The following TPX2 variants were observed in gnomAD, a reference collection of about 807,000 sequenced individuals.
The protein encoded by TPX2 is targeting protein for Xklp2.
In TPX2, 21 loss-of-function variants were observed where a neutral mutation model predicts 93.6. The ratio of observed to expected loss-of-function variants is 0.22; its 90% CI spans 0.16 to 0.32. TPX2 has a LOEUF of 0.32. Ranked by LOEUF, TPX2 falls within the 10% of genes least tolerant of loss-of-function variation. The pLI is 1.00. For missense variants in TPX2, 776 were observed against 871.1 expected, an observed-to-expected ratio of 0.89 and a Z score of 1.37; for synonymous variants, 281 against 298.3, an observed-to-expected ratio of 0.94 and a Z score of 0.60.
At position 31,778,899 on chromosome 20, in the gene TPX2, A is replaced by G. The variant is rs1464695514; in HGVS notation, c.969A>G (p.Thr323=). 2.5e-6 allele frequency: 4 copies of G among 1,612,868 alleles called. No homozygotes were observed. Among genetic ancestry groups the G allele is most frequent in the Non-Finnish European group, 3.4e-6 (4 of 1,179,762 alleles). ...GAACATTTGATGAAACAGTTTCTAC[A>G]TATGTGCCCCTTGCACAGCAAGTTG... The part of the protein sequence containing the change: ...KKRTFDETVS[T]YVPLAQQVED... Residue 323 remains threonine (T), a synonymous_variant, in exon 10 of 18, where the codon ACA becomes ACG. Coordinates refer to ENST00000300403, the MANE Select transcript of TPX2 (RefSeq NM_012112.5).
chr20:31,769,177 C>T (rs1260099709), intron 5 of TPX2, among the ~76,000 whole-genome samples: 1 of 151,084 alleles, frequency 6.6e-6, no homozygotes, highest in Admixed American at 6.6e-5. Flanking sequence ...GCCCATTGTG[C>T]ACATGTACCC....
In TPX2 at chr20:31,801,185, C is replaced by T. The variant is rs916618330; in HGVS notation, c.*105C>T. The T allele has an allele frequency of 3.0e-6, 3 of 996,574 alleles. No homozygotes were observed. Among genetic ancestry groups the T allele is most frequent in the Non-Finnish European group, 3.1e-6 (2 of 647,810 alleles). The allele number at this position is 996,574 out of a possible 1,614,324, so 61.7% of individuals were successfully genotyped here. On this transcript the variant is annotated 3_prime_UTR_variant, in exon 18 of 18. Transcript: ENST00000300403. ...TTGGGCATGGAGAGAACCCATTTCT[C>T]CAGACTTTTACCTACCCGTGCCTGA...
At chr20:31,748,452 T>A (rs1054868907) in intron 2 of TPX2, among the ~76,000 whole-genome samples, 5 of 152,164 alleles carry the variant, frequency 3.3e-5, no homozygotes, top group Non-Finnish European at 7.3e-5. Context: ...TTTTAAAAAA[T>A]TTATGGGAAG....
At chr20:31,799,897 C>CAA (rs533016889) in intron 17 of TPX2, among the ~76,000 whole-genome samples, 134 of 63,804 alleles carry the variant, frequency 2.1e-3, no homozygotes, top group East Asian at 7.3e-3. Flanking sequence ...GAGACTGTCT[C>CAA]AAAAAAAAAA....
At chr20:31,800,832 C>T in intron 17 of TPX2, 138 bp from the exon 18 acceptor site, 1 of 716,108 alleles carries the variant, frequency 1.4e-6, no homozygotes, top group East Asian at 2.5e-5. Flanking sequence ...CCCCCCAGGC[C>T]CCACTCCCCA....
In TPX2 at chr20:31,777,472, G is replaced by C; in HGVS notation, c.731-15G>C. The stretch of plus-strand genomic sequence containing the variant: ...CTTAATGTTGTCTGTATGTTTTACT[G>C]TGTTCATCTCTCAGGGCAACCTGTG... On this transcript the variant is annotated splice_polypyrimidine_tract_variant and intron_variant, in intron 8 of 17. Transcript: ENST00000300403. 6.2e-7 allele frequency: 1 copy of C among 1,612,414 alleles called. No individual in the cohort carries two copies.
At chr20:31,744,026 G>T (rs2061768833) in intron 2 of TPX2, among the ~76,000 whole-genome samples, 1 of 150,682 alleles carries the variant, frequency 6.6e-6, no homozygotes, top group Non-Finnish European at 1.5e-5. Context: ...TGGCCTTGCA[G>T]TTTTTTTTCC....
intron 8 of TPX2, 107 bp downstream of exon 8, chr20:31,776,095 A>G: frequency 2.8e-6 from 2 of 723,350 alleles, no homozygotes. Flanking sequence ...TTTTTTTGAG[A>G]CGGAGTCTCG....
rs762224384 is a variant in TPX2 at position 31,792,837 on chromosome 20, C to G, written c.1509+7C>G. 6.2e-7 allele frequency: 1 copy of G among 1,613,050 alleles called. No homozygotes were observed. The highest frequency in any genetic ancestry group is 8.5e-7 in the Non-Finnish European group (1 of 1,179,054). ...GCCCACCAAAGAAGATGAGGTGATT[C>G]CCTGGGAGTAGGGGGGTTCTTTTTC... On this transcript the variant is annotated splice_region_variant and intron_variant, in intron 13 of 17. Coordinates refer to ENST00000300403, the MANE Select transcript of TPX2 (RefSeq NM_012112.5).
intron 11 of TPX2, among the ~76,000 whole-genome samples, chr20:31,782,889 TACAC>T (rs71926112): frequency 0.078 from 11,061 of 142,532 alleles, 412 homozygotes; most frequent in Admixed American, 0.11. Context: ...CATACACACA[TACAC>T]ACACACACAC....
chr20:31,778,815 C>A lies in TPX2; in HGVS notation c.885C>A (p.Ala295=). ...SELRKHPSSP[A]RVTKGCTIVK... The stretch of plus-strand genomic sequence containing the variant: ...GGGAACAACTTTTCTCTTTACAGGC[C>A]CGAGTGACTAAGGGATGTACCATTG... The change falls in exon 10 of 18, where the codon GCC becomes GCA. Residue 295 remains alanine, a splice_region_variant and synonymous_variant. Coordinates refer to ENST00000300403, the MANE Select transcript of TPX2 (RefSeq NM_012112.5). 1 of 1,565,748 alleles carries A rather than the reference C, an allele frequency of 6.4e-7. No homozygotes were observed. Among genetic ancestry groups the A allele is most frequent in the East Asian group, 2.3e-5 (1 of 43,750 alleles).
At chr20:31,769,715 T>C (rs1352404383) in intron 5 of TPX2, among the ~76,000 whole-genome samples, 1 of 152,172 alleles carries the variant, frequency 6.6e-6, no homozygotes, top group Non-Finnish European at 1.5e-5. Flanking sequence ...TCTTCCACTT[T>C]GTAGTCATTT....
chr20:31,795,415 T>C (rs1600395196), intron 15 of TPX2, among the ~76,000 whole-genome samples: 1 of 152,262 alleles, frequency 6.6e-6, no homozygotes, highest in East Asian at 1.9e-4. Context: ...ATTACAAGCA[T>C]GAGCTGCTGT....
intron 15 of TPX2, among the ~76,000 whole-genome samples, chr20:31,795,020 A>C (rs772580881): frequency 6.6e-6 from 1 of 151,746 alleles, no homozygotes. Flanking sequence ...ATGGGGTTTC[A>C]CCGTGTTAGC....
chr20:31,778,287 A>T (rs919501402), intron 9 of TPX2, among the ~76,000 whole-genome samples: 2 of 152,160 alleles, frequency 1.3e-5, no homozygotes, highest in Non-Finnish European at 2.9e-5. Context: ...TTTCTTTGAG[A>T]TACAGGTCCT....
chr20:31,765,625 C>T (rs2061920417), intron 4 of TPX2, among the ~76,000 whole-genome samples: 1 of 152,022 alleles, frequency 6.6e-6, no homozygotes, highest in African/African-American at 2.4e-5. Context: ...ATTCATAATG[C>T]CTGATAGTAT....
At chr20:31,760,251 G>C in intron 4 of TPX2, 72 bp downstream of exon 4, 2 of 1,573,074 alleles carry the variant, frequency 1.3e-6, no homozygotes, top group Non-Finnish European at 8.6e-7. Context: ...TGAGGTTCTG[G>C]GAAAATTACC....
Position 31,801,322 on chromosome 20 carries a change from G to T in TPX2, c.*242G>T. 2.3e-6 allele frequency: 1 copy of T among 439,038 alleles called. No individual in the cohort carries two copies. The highest frequency in any genetic ancestry group is 4.1e-6 in the Non-Finnish European group (1 of 242,752). 27.2% of individuals were successfully genotyped at this position (439,038 alleles called of 1,614,324 possible). The stretch of plus-strand genomic sequence containing the variant: ...GAATGTCTCGATTAGACTCCATGTA[G>T]TTACTTCCTTTAAACCATCAGCCGG... On this transcript the variant is annotated 3_prime_UTR_variant, in exon 18 of 18. Transcript: ENST00000300403.
In TPX2 at chr20:31,794,563, G is replaced by A. The variant is rs2062123317; in HGVS notation, c.1833+15G>A. The A allele has an allele frequency of 6.2e-7, 1 of 1,611,484 alleles. No individual in the cohort carries two copies. The highest frequency in any genetic ancestry group is 8.5e-7 in the Non-Finnish European group (1 of 1,179,144). On this transcript the variant is annotated intron_variant, in intron 15 of 17. Transcript: ENST00000300403. ...GGAAGCACCAGGTAGGGGATGGGGA[G>A]AGCAGCCAAAATGTTAATTGCTTGG...
Sources: allele counts gnomAD v4.1 joint callset (sites outside exome capture counted in the v4.1 genomes callset), GRCh38; gene constraint gnomAD v4.1.1; transcripts MANE v1.5; gene names NCBI Gene and HGNC (gene_info 2026-07-23, HGNC 2026-07-21).